The following CHRM4 variants were observed in gnomAD, a reference collection of about 807,000 sequenced individuals.
The protein encoded by CHRM4 is muscarinic acetylcholine receptor M4.
Under a neutral mutation model 26.3 loss-of-function variants are expected in CHRM4, and 5 were observed. The ratio of observed to expected loss-of-function variants is 0.19; its 90% confidence interval spans 0.10 to 0.40. The LOEUF is 0.40. CHRM4 is among the 10% of genes least tolerant of loss of function. CHRM4 has a pLI of 1.00. For missense variants in CHRM4, 402 were observed against 664.5 expected (o/e 0.60, Z 4.34); for synonymous variants, 290 against 285.3 (o/e 1.02, Z -0.16).
rs1207899036 is a variant in CHRM4, at chr11:46,385,180, A to G, written c.1378T>C (p.Phe460Leu). 6.2e-7 allele frequency: 1 copy of G among 1,613,878 alleles called. No homozygotes were observed. The highest frequency in any genetic ancestry group is 8.5e-7 in the Non-Finnish European group (1 of 1,179,842). ...AGCAGGTGCCGGAAGGTCTTTTTAAAGGTGGCGTTGCACAGAGCATAGCAG... is the reference window on the plus strand; with the variant it reads ...AGCAGGTGCCGGAAGGTCTTTTTAAGGGTGGCGTTGCACAGAGCATAGCAG... ...PACYALCNATFKKTFRHLLLC... is the reference protein window; with the variant it reads ...PACYALCNATLKKTFRHLLLC... Residue 460 changes from phenylalanine (F) to leucine (L), a missense_variant, in exon 2 of 2, where the codon TTT becomes CTT. Physicochemically the swap from Phe to Leu is conservative, Grantham distance 22. Coordinates refer to ENST00000682254, the MANE Select transcript of CHRM4 (RefSeq NM_000741.5). The surrounding 1 kb of genome is among the most constrained non-coding windows in gnomAD (Gnocchi z 6.3).
In CHRM4 at chr11:46,391,392, C is replaced by T. The variant is rs975447427; in HGVS notation, c.-30+139G>A. Among the ~76,000 whole-genome samples, 5 of 152,128 alleles carry T rather than the reference C, an allele frequency of 3.3e-5. No individual in the cohort carries two copies. Among genetic ancestry groups the T allele is most frequent in the Admixed American group, 6.5e-5 (1 of 15,298 alleles). ...CTGGATGCCCACCCCTTCCCACGGGCGCACCCGGGCGCACCTGGAGAAGCC... is the reference window on the plus strand; with the variant it reads ...CTGGATGCCCACCCCTTCCCACGGGTGCACCCGGGCGCACCTGGAGAAGCC... On this transcript the variant is annotated intron_variant, in intron 1 of 1. Transcript: ENST00000682254. The surrounding 1 kb of genome is among the most constrained non-coding windows in gnomAD (Gnocchi z 6.3).
chr11:46,391,047 C>T lies in CHRM4; in HGVS notation c.-30+484G>A, dbSNP rs1362279767. On this transcript the variant is annotated intron_variant, in intron 1 of 1. Coordinates refer to ENST00000682254, the MANE Select transcript of CHRM4 (RefSeq NM_000741.5). The surrounding 1 kb of genome is among the most constrained non-coding windows in gnomAD (Gnocchi z 6.3). ...GAGGAGGGGGCCTGGAGCTGGAGGA[C>T]CCCGGCTTGGAGGCTGGGCAGCAAA... 6.6e-6 allele frequency among the ~76,000 whole-genome samples: 1 copy of T among 151,962 alleles called. No individual in the cohort carries two copies. Among genetic ancestry groups the T allele is most frequent in the East Asian group, 1.9e-4 (1 of 5,174 alleles).
At chr11:46,390,769 T>C (rs912805646) in intron 1 of CHRM4, among the ~76,000 whole-genome samples, 1 of 152,268 alleles carries the variant, frequency 6.6e-6, no homozygotes, top group African/African-American at 2.4e-5. Flanking sequence ...CTGCAGCCTC[T>C]GGGCGTGGGC....
In CHRM4 at chr11:46,386,495, T is replaced by C. The variant is rs35646260; in HGVS notation, c.63A>G (p.Ser21=). 6.7e-5 allele frequency: 108 copies of C among 1,613,432 alleles called. 1 individual carries two copies. The African/African-American group carries it at 1.2e-3, about 18-fold the overall frequency. The change falls in exon 2 of 2, where the codon TCA becomes TCG. Residue 21 remains serine (S), a synonymous_variant. Transcript: ENST00000682254. This position sits in a 1 kb window ranked among gnomAD's most constrained non-coding sequence, Gnocchi z 5.8. ...CCGTCTCATAGCGATTGTGGGATGATGACGTGACCAGGCGCACGGACTGAT... is the reference window on the plus strand; with the variant it reads ...CCGTCTCATAGCGATTGTGGGATGACGACGTGACCAGGCGCACGGACTGAT... ...SGNQSVRLVT[S]SSHNRYETVE... is the part of the protein sequence containing the mutation.
chr11:46,385,566 C>G lies in CHRM4; in HGVS notation c.992G>C (p.Arg331Pro), dbSNP rs199586286. The change falls in exon 2 of 2, where the codon CGG (arginine) becomes CCG (proline). Residue 331 changes from arginine to proline, a missense_variant. Transcript: ENST00000682254. The surrounding 1 kb of genome is among the most constrained non-coding windows in gnomAD (Gnocchi z 6.3). ...CCATCTGGAGGCTGGGTTGAGGGCC[C>G]GCGGCTGCAGGGGAGGGGCGGGCAT... is the stretch of plus-strand genomic sequence containing the variant. Reference protein sequence around the residue: ...PAMPAPPLQPRALNPASRWSK... With the variant: ...PAMPAPPLQPPALNPASRWSK... The G allele has an allele frequency of 6.4e-7, 1 of 1,562,690 alleles. No individual in the cohort carries two copies. The highest frequency in any genetic ancestry group is 8.7e-7 in the Non-Finnish European group (1 of 1,149,096).
intron 1 of CHRM4, among the ~76,000 whole-genome samples, chr11:46,389,554 C>T (rs2136553450): frequency 6.6e-6 from 1 of 152,360 alleles, no homozygotes; most frequent in East Asian, 1.9e-4. Context: ...GCCGCCGGGG[C>T]TGTGCGCACC....
chr11:46,390,244 T>A (rs1945379693), intron 1 of CHRM4, among the ~76,000 whole-genome samples: 1 of 152,154 alleles, frequency 6.6e-6, no homozygotes, highest in Non-Finnish European at 1.5e-5. Flanking sequence ...GCCAGACTAC[T>A]AGGGGCTGCC....
chr11:46,391,711 GC>G lies in CHRM4; in HGVS notation c.-211del, dbSNP rs1945395889. ...GGCGGGGCGGGCGGCCGGGCCGAGG[GC>G]CGGGGGCGGGGACGGGGTGTCGAGG... On this transcript the variant is annotated 5_prime_UTR_variant, in exon 1 of 2. Transcript: ENST00000682254. The surrounding 1 kb of genome is among the most constrained non-coding windows in gnomAD (Gnocchi z 6.3). Among the ~76,000 whole-genome samples the G allele has an allele frequency of 6.7e-6, 1 of 148,866 alleles. No homozygotes were observed. Among genetic ancestry groups the G allele is most frequent in the Admixed American group, 6.7e-5 (1 of 14,988 alleles).
intron 1 of CHRM4, among the ~76,000 whole-genome samples, chr11:46,387,591 G>A (rs1210704842): frequency 1.3e-5 from 2 of 152,212 alleles, no homozygotes; most frequent in Admixed American, 6.5e-5. Context: ...GATTAAGTGC[G>A]GGGTGAGGTG....
chr11:46,385,514 C>T lies in CHRM4; in HGVS notation c.1044G>A (p.Gln348=). ...TGGCTGTCACACACTCATTGCCTGT[C>T]TGCTTCGTCACAATCTGGATCTTGG... ...RWSKIQIVTK[Q]TGNECVTAIE... The change falls in exon 2 of 2, where the codon CAG becomes CAA. Residue 348 remains glutamine, a synonymous_variant. Coordinates refer to ENST00000682254, the MANE Select transcript of CHRM4 (RefSeq NM_000741.5). The surrounding 1 kb of genome is among the most constrained non-coding windows in gnomAD (Gnocchi z 6.3). The T allele has an allele frequency of 6.3e-7, 1 of 1,586,216 alleles. No individual in the cohort carries two copies. The highest frequency in any genetic ancestry group is 8.6e-7 in the Non-Finnish European group (1 of 1,159,330).
intron 1 of CHRM4, among the ~76,000 whole-genome samples, chr11:46,387,539 C>T (rs972422589): frequency 4.6e-5 from 7 of 152,222 alleles, no homozygotes; most frequent in Non-Finnish European, 8.8e-5. Context: ...TGTTAAAAGC[C>T]TGACCAAGGT....
In CHRM4 at chr11:46,386,569, G is replaced by T; in HGVS notation, c.-12C>A. 1 of 1,606,040 alleles carries T rather than the reference G, an allele frequency of 6.2e-7. No individual in the cohort carries two copies. On this transcript the variant is annotated 5_prime_UTR_variant, in exon 2 of 2. In the 5' UTR this introduces an upstream ATG that the reference lacks. Coordinates refer to ENST00000682254, the MANE Select transcript of CHRM4 (RefSeq NM_000741.5). This position sits in a 1 kb window ranked among gnomAD's most constrained non-coding sequence, Gnocchi z 5.8. ...GTGAAGTTGGCCATGTTGGTTGCCAGGGGTGGGTAGGCCGTGTCTGGGGAG... is the reference window on the plus strand; with the variant it reads ...GTGAAGTTGGCCATGTTGGTTGCCATGGGTGGGTAGGCCGTGTCTGGGGAG...
At chr11:46,388,352 T>C (rs532024936) in intron 1 of CHRM4, among the ~76,000 whole-genome samples, 27 of 152,342 alleles carry the variant, frequency 1.8e-4, no homozygotes, top group Non-Finnish European at 3.2e-4. Flanking sequence ...ATTTGCAGAA[T>C]AGAGAGGATC....
Position 46,384,400 on chromosome 11 carries a change from G to C in CHRM4, c.*718C>G, listed in dbSNP as rs553272976. Among the ~76,000 whole-genome samples, 1 of 152,342 alleles carries C rather than the reference G, an allele frequency of 6.6e-6. No individual in the cohort carries two copies. Among genetic ancestry groups the C allele is most frequent in the South Asian group, 2.1e-4 (1 of 4,830 alleles). ...GTGTGACCTGGGACAGCCTTCTAAGGCCGGGGCTGCAGGGGGCTGTCTTCT... is the reference window on the plus strand; with the variant it reads ...GTGTGACCTGGGACAGCCTTCTAAGCCCGGGGCTGCAGGGGGCTGTCTTCT... On this transcript the variant is annotated 3_prime_UTR_variant, in exon 2 of 2. Transcript: ENST00000682254.
At chr11:46,387,043 TG>T (rs1945348472) in intron 1 of CHRM4, among the ~76,000 whole-genome samples, 1 of 143,346 alleles carries the variant, frequency 7.0e-6, no homozygotes, top group Admixed American at 7.1e-5. Flanking sequence ...GCGCAAGGCC[TG>T]GACAGAGGCC....
At position 46,385,626 on chromosome 11, in the gene CHRM4, G is replaced by T; in HGVS notation, c.932C>A (p.Thr311Lys). Residue 311 changes from threonine (T) to lysine (K), a missense_variant, in exon 2 of 2, where the codon ACA (threonine) becomes AAA (lysine). Thr to Lys is a moderately conservative substitution (Grantham distance 78, BLOSUM62 -1). Around this residue, in one of 5 missense-constraint regions of CHRM4, gnomAD observed 205 missense variants for 244.0 expected, o/e 0.84. Coordinates refer to ENST00000682254, the MANE Select transcript of CHRM4 (RefSeq NM_000741.5). This position sits in a 1 kb window ranked among gnomAD's most constrained non-coding sequence, Gnocchi z 6.3. ...GGTGGCCTCTGTGGTGGACAGCTCTGTGGCTGGGCGTTCCTTGGTGTTCTG... is the reference window on the plus strand; with the variant it reads ...GGTGGCCTCTGTGGTGGACAGCTCTTTGGCTGGGCGTTCCTTGGTGTTCTG... ...ATQNTKERPA[T>K]ELSTTEATTP... 1 of 1,536,204 alleles carries T rather than the reference G, an allele frequency of 6.5e-7. No homozygotes were observed. Among genetic ancestry groups the T allele is most frequent in the Middle Eastern group, 1.8e-4 (1 of 5,674 alleles).
chr11:46,388,750 GC>G (rs1945365974), intron 1 of CHRM4, among the ~76,000 whole-genome samples: 2 of 152,192 alleles, frequency 1.3e-5, no homozygotes, highest in South Asian at 4.1e-4. Context: ...CCAGGAGGCT[GC>G]CCTCCCCCAA....
chr11:46,385,217 G>T lies in CHRM4; in HGVS notation c.1341C>A (p.Thr447=). ...IGYWLCYVNS[T]INPACYALCN... is the part of the protein sequence containing the mutation. ...ACAGAGCATAGCAGGCAGGGTTGATGGTGCTGTTGACGTAGCAGAGCCAGT... is the reference window on the plus strand; with the variant it reads ...ACAGAGCATAGCAGGCAGGGTTGATTGTGCTGTTGACGTAGCAGAGCCAGT... The change falls in exon 2 of 2, where the codon ACC becomes ACA. Residue 447 remains threonine (T), a synonymous_variant. Transcript: ENST00000682254. This position sits in a 1 kb window ranked among gnomAD's most constrained non-coding sequence, Gnocchi z 6.3. The T allele has an allele frequency of 1.2e-6, 2 of 1,613,946 alleles. No individual in the cohort carries two copies. The highest frequency in any genetic ancestry group is 1.7e-6 in the Non-Finnish European group (2 of 1,179,942).
At chr11:46,389,987 G>A (rs1945377360) in intron 1 of CHRM4, among the ~76,000 whole-genome samples, 1 of 152,236 alleles carries the variant, frequency 6.6e-6, no homozygotes, top group Non-Finnish European at 1.5e-5. Flanking sequence ...ACGTGCATGT[G>A]CATGCGTGTG....
Sources: gnomAD v4.1 joint callset for allele counts (sites outside exome capture counted in the v4.1 genomes callset) on GRCh38, gnomAD v4.1.1 for gene constraint, gnomAD v4.1.1 regional missense constraint, Gnocchi (gnomAD v3.1) non-coding constraint, MANE v1.5 for transcripts, NCBI Gene and HGNC (gene_info 2026-07-23, HGNC 2026-07-21) for gene names.